The following IFT140 variants were observed in gnomAD, a reference collection of about 807,000 sequenced individuals.
IFT140 encodes intraflagellar transport protein 140 homolog.
IFT140 carries 133 observed loss-of-function variants against 164.6 expected under a neutral mutation model. That is an observed-to-expected ratio of 0.81 (90% CI 0.70 to 0.93). The LOEUF is 0.93. Ranked by LOEUF, IFT140 falls within the 40% of genes least tolerant of loss-of-function variation. IFT140 has a pLI of 0.00. For missense variants in IFT140, 2,045 were observed against 1,972.3 expected, an observed-to-expected ratio of 1.04 and a Z score of -0.70; for synonymous variants, 860 against 817.3, an observed-to-expected ratio of 1.05 and a Z score of -0.89.
chr16:1,601,624 G>C (rs540535152), intron 4 of IFT140, among the ~76,000 whole-genome samples: 10 of 152,376 alleles, frequency 6.6e-5, no homozygotes, highest in African/African-American at 2.4e-4. Flanking sequence ...GCGTGTCCTT[G>C]CACTGTTCTT....
chr16:1,525,750 G>T, intron 21 of IFT140, 137 bp downstream of exon 21: 1 of 923,566 alleles, frequency 1.1e-6, no homozygotes, highest in Non-Finnish European at 1.6e-6. Flanking sequence ...GCTTCCTGCC[G>T]AGAAGGCTGC....
At position 1,524,920 on chromosome 16, in the gene IFT140, CG is replaced by C; in HGVS notation, c.2865-5del. On this transcript the variant is annotated splice_polypyrimidine_tract_variant and splice_region_variant and intron_variant, in intron 22 of 30. Transcript: ENST00000426508. Reference sequence around the variant, plus strand: ...CGCCCACCACCGCCACAGGGTCCTGCGGGCAGCCCAAGACCATGGATTCTCC... The same window carrying C: ...CGCCCACCACCGCCACAGGGTCCTGCGGCAGCCCAAGACCATGGATTCTCC... The C allele has an allele frequency of 6.2e-7, 1 of 1,603,746 alleles. No individual in the cohort carries two copies. Among genetic ancestry groups the C allele is most frequent in the Non-Finnish European group, 8.5e-7 (1 of 1,176,368 alleles).
chr16:1,562,087 A>G lies in IFT140; in HGVS notation c.2097T>C (p.Ile699=). The G allele has an allele frequency of 6.2e-7, 1 of 1,611,424 alleles. No homozygotes were observed. The highest frequency in any genetic ancestry group is 8.5e-7 in the Non-Finnish European group (1 of 1,178,872). The change falls in exon 18 of 31, where the codon ATT becomes ATC. Residue 699 remains isoleucine, a synonymous_variant. Coordinates refer to ENST00000426508, the MANE Select transcript of IFT140 (RefSeq NM_014714.4). ...AADVLILSFF[I]SEEHGFLLHE... The stretch of plus-strand genomic sequence containing the variant: ...GAAGCAGGAAGCCGTGCTCTTCGGA[A>G]ATGAAGAAGGACAGGATCAAAACAT...
intron 7 of IFT140, among the ~76,000 whole-genome samples, 183 bp downstream of exon 7, chr16:1,589,422 C>T (rs1192612498): frequency 6.6e-6 from 1 of 152,180 alleles, no homozygotes; most frequent in African/African-American, 2.4e-5. Context: ...CTTTTGTTTC[C>T]TTCACCTATG....
At position 1,592,209 on chromosome 16, in the gene IFT140, C is replaced by T. The variant is rs367721062; in HGVS notation, c.601G>A (p.Glu201Lys). 23 of 1,614,084 alleles carry T rather than the reference C, an allele frequency of 1.4e-5. No homozygotes were observed. The highest frequency in any genetic ancestry group is 2.2e-5 in the South Asian group (2 of 91,088). Residue 201 changes from glutamate to lysine, a missense_variant, in exon 6 of 31, where the codon GAG (glutamate) becomes AAG (lysine). Coordinates refer to ENST00000426508, the MANE Select transcript of IFT140 (RefSeq NM_014714.4). ...AGACTGACAAAGAACAACAGCCCCT[C>T]GTGAGACCCCATCTTCAGCAAACTT... ...SGSLLKMGSHEGLLFFVSLMD... is the reference protein window; with the variant it reads ...SGSLLKMGSHKGLLFFVSLMD...
chr16:1,591,887 C>G (rs1455199319), intron 6 of IFT140, among the ~76,000 whole-genome samples: 2 of 152,216 alleles, frequency 1.3e-5, no homozygotes, highest in Non-Finnish European at 2.9e-5. Flanking sequence ...TCTCTGGTGC[C>G]ATGCAGTCAG....
Position 1,526,619 on chromosome 16 carries a change from C to A in IFT140, c.2577G>T (p.Leu859=). ...VAVLATQLGM[L]EDAEQLYRKC... Reference sequence around the variant, plus strand: ...CCACCCCATGGCGGGCGCCCCTCACCAGCATGCCCAGCTGCGTGGCCAGCA... The same window carrying A: ...CCACCCCATGGCGGGCGCCCCTCACAAGCATGCCCAGCTGCGTGGCCAGCA... Residue 859 remains leucine, a splice_region_variant and synonymous_variant, in exon 20 of 31, where the codon CTG becomes CTT. Transcript: ENST00000426508. 6.5e-7 allele frequency: 1 copy of A among 1,545,006 alleles called. No individual in the cohort carries two copies. The highest frequency in any genetic ancestry group is 8.7e-7 in the Non-Finnish European group (1 of 1,154,534).
intron 13 of IFT140, among the ~76,000 whole-genome samples, chr16:1,573,764 C>A (rs935844062): frequency 6.6e-6 from 1 of 152,208 alleles, no homozygotes; most frequent in South Asian, 2.1e-4. Flanking sequence ...TGCTCTCCTG[C>A]GGCGTCTCCC....
chr16:1,524,120 G>T, intron 24 of IFT140, 164 bp from the exon 25 acceptor site: 1 of 894,598 alleles, frequency 1.1e-6, no homozygotes, highest in Non-Finnish European at 1.6e-6. Flanking sequence ...TACTGGGTTT[G>T]TCTACAAGGA....
At position 1,586,120 on chromosome 16, in the gene IFT140, G is replaced by A; in HGVS notation, c.1155+10C>T. Reference sequence around the variant, plus strand: ...AAAATGAGTGCACCGAACACCCTTGGAGGCTGTACCTGGATTTGCGTGATG... The same window carrying A: ...AAAATGAGTGCACCGAACACCCTTGAAGGCTGTACCTGGATTTGCGTGATG... On this transcript the variant is annotated intron_variant, in intron 10 of 30. Coordinates refer to ENST00000426508, the MANE Select transcript of IFT140 (RefSeq NM_014714.4). 9 of 1,611,130 alleles carry A rather than the reference G, an allele frequency of 5.6e-6. No homozygotes were observed. Among genetic ancestry groups the A allele is most frequent in the Non-Finnish European group, 7.6e-6 (9 of 1,179,982 alleles).
intron 19 of IFT140, 175 bp downstream of exon 19, chr16:1,557,760 G>T (rs368488038): frequency 3.1e-6 from 2 of 653,072 alleles, no homozygotes; most frequent in South Asian, 3.8e-5. Context: ...AGCTTCCCAC[G>T]TGGCATCTGC....
chr16:1,526,578 C>A, intron 20 of IFT140, 41 bp downstream of exon 20: 1 of 1,455,314 alleles, frequency 6.9e-7, no homozygotes, highest in Non-Finnish European at 9.0e-7. Context: ...CTGTGGCAGG[C>A]GTGGTGCCTT....
chr16:1,530,755 C>T (rs1449374246), intron 19 of IFT140: 1 of 149,374 alleles, frequency 6.7e-6, no homozygotes, highest in African/African-American at 2.6e-5. Flanking sequence ...CAGGCCGGCC[C>T]TGGTTTTGCT....
intron 13 of IFT140, among the ~76,000 whole-genome samples, chr16:1,575,327 AT>A (rs1439367935): frequency 3.9e-5 from 6 of 151,946 alleles, no homozygotes; most frequent in African/African-American, 1.5e-4. Context: ...GTGAGCTATG[AT>A]GGCACCACTG....
At chr16:1,586,919 C>T (rs2034916957) in intron 9 of IFT140, among the ~76,000 whole-genome samples, 1 of 152,186 alleles carries the variant, frequency 6.6e-6, no homozygotes. Context: ...GTAGCTCAGG[C>T]TGGTCTTGAA....
At chr16:1,597,396 G>GGGAGCA (rs1478555368) in intron 4 of IFT140, among the ~76,000 whole-genome samples, 7 of 152,232 alleles carry the variant, frequency 4.6e-5, no homozygotes, top group African/African-American at 1.7e-4. Context: ...ACTTGGGACA[G>GGGAGCA]GGAGCAGGAG....
chr16:1,588,985 C>T (rs1053536591), intron 7 of IFT140, among the ~76,000 whole-genome samples: 1 of 152,190 alleles, frequency 6.6e-6, no homozygotes, highest in South Asian at 2.1e-4. Context: ...GGATATCAGC[C>T]TCTAGAACTG....
intron 4 of IFT140, 75 bp from the exon 5 acceptor site, chr16:1,592,663 A>C: frequency 6.7e-7 from 1 of 1,496,968 alleles, no homozygotes; most frequent in Non-Finnish European, 9.0e-7. Flanking sequence ...GTGTCCTGGC[A>C]GAGCGACTGG....
At chr16:1,525,074 GC>G (rs1412856819) in intron 22 of IFT140, among the ~76,000 whole-genome samples, 156 bp downstream of exon 22, 58 of 152,180 alleles carry the variant, frequency 3.8e-4, no homozygotes. Flanking sequence ...CAAAGGGAGG[GC>G]CTGGCTCAGG....
Sources: allele counts gnomAD v4.1 joint callset (sites outside exome capture counted in the v4.1 genomes callset), GRCh38; gene constraint gnomAD v4.1.1; transcripts MANE v1.5; gene names NCBI Gene and HGNC (gene_info 2026-07-23, HGNC 2026-07-21).